The following NOXA1 variants were observed in gnomAD, a reference collection of about 807,000 sequenced individuals.
NOXA1 encodes the protein NADPH oxidase activator 1, also known as NCF2-like protein.
Under a neutral mutation model 64.8 loss-of-function variants are expected in NOXA1, and 56 were observed. The ratio of observed to expected loss-of-function variants is 0.86; its 90% CI spans 0.70 to 1.08. The LOEUF (loss-of-function observed/expected upper bound fraction) is 1.08, where lower values mean the gene tolerates loss of function less well. NOXA1 is among the 50% of genes least tolerant of loss of function. NOXA1 has a pLI of 0.00. For synonymous variants in NOXA1, 295 were observed against 294.8 expected, an observed-to-expected ratio of 1.00 and a Z score of -0.01; for missense variants, 668 against 658.5, an observed-to-expected ratio of 1.01 and a Z score of -0.16.
chr9:137,430,854 G>A lies in NOXA1; in HGVS notation c.672+11G>A, dbSNP rs749141033. The A allele has an allele frequency of 7.6e-6, 12 of 1,578,708 alleles. No homozygotes were observed. Among genetic ancestry groups the A allele is most frequent in the Middle Eastern group, 1.7e-4 (1 of 5,940 alleles). ...CCTCAGCAGCCACAGGTGGGTTTGC[G>A]GCCCCTCAGACCCCTGCCTGGCCTC... On this transcript the variant is annotated intron_variant, in intron 6 of 13. Coordinates refer to ENST00000683555, the MANE Select transcript of NOXA1 (RefSeq NM_001256067.2).
chr9:137,430,613 C>T (rs977217621), intron 5 of NOXA1, among the ~76,000 whole-genome samples, 171 bp from the exon 6 acceptor site: 8 of 152,250 alleles, frequency 5.3e-5, no homozygotes, highest in Admixed American at 2.0e-4. Flanking sequence ...AGATGTTTTT[C>T]TCCATCAGAC....
Position 137,426,234 on chromosome 9 carries a change from AT to A in NOXA1, c.178-9del, listed in dbSNP as rs750782399. The stretch of plus-strand genomic sequence containing the variant: ...TTACAGACCTTGGCATCCCGTGGGC[AT>A]TTTTGTCCCCAGGCATTTGACCAAG... On this transcript the variant is annotated splice_polypyrimidine_tract_variant and intron_variant, in intron 1 of 13. Coordinates refer to ENST00000683555, the MANE Select transcript of NOXA1 (RefSeq NM_001256067.2). The A allele has an allele frequency of 1.2e-6, 2 of 1,613,202 alleles. No homozygotes were observed. The highest frequency in any genetic ancestry group is 2.2e-5 in the South Asian group (2 of 91,064).
chr9:137,430,796 G>A lies in NOXA1; in HGVS notation c.625G>A (p.Ala209Thr), dbSNP rs1465465585. 16 of 1,595,020 alleles carry A rather than the reference G, an allele frequency of 1.0e-5. No homozygotes were observed. Among genetic ancestry groups the A allele is most frequent in the African/African-American group, 1.3e-5 (1 of 74,698 alleles). ...CTGTCCCCGCCAGGTGGTGGCCTCT[G>A]CCATCCCCGACGACCAGGGCTGGGG... ...FLGKAKVVAS[A>T]IPDDQGWGVR... Residue 209 changes from alanine to threonine, a missense_variant, in exon 6 of 14, where the codon GCC becomes ACC. Physicochemically the swap from Ala to Thr is moderately conservative, Grantham distance 58 (BLOSUM62 0). Coordinates refer to ENST00000683555, the MANE Select transcript of NOXA1 (RefSeq NM_001256067.2).
In NOXA1 at chr9:137,434,316, G is replaced by C. The variant is rs1198560728; in HGVS notation, c.1387G>C (p.Ala463Pro). The C allele has an allele frequency of 6.2e-7, 1 of 1,608,902 alleles. No homozygotes were observed. Among genetic ancestry groups the C allele is most frequent in the Admixed American group, 1.7e-5 (1 of 59,812 alleles). ...CCCCGCCGGCCCTCGGATGTCAGGA[G>C]CCCCCGGCCGCCTGCCCCGATCCCA... ...VVPAGPRMSG[A>P]PGRLPRSQQG... Residue 463 changes from alanine (A) to proline (P), a missense_variant, in exon 14 of 14, where the codon GCC becomes CCC. Physicochemically the swap from Ala to Pro is conservative, Grantham distance 27 (BLOSUM62 -1). Transcript: ENST00000683555.
intron 5 of NOXA1, among the ~76,000 whole-genome samples, chr9:137,430,075 T>C (rs9802473): frequency 0.17 from 19,061 of 114,102 alleles, 1,823 homozygotes; most frequent in Admixed American, 0.32. Context: ...GGGGTGCCTG[T>C]GTCCCTGCCA....
At chr9:137,427,019 A>G (rs1838870131) in intron 2 of NOXA1, among the ~76,000 whole-genome samples, 1 of 151,572 alleles carries the variant, frequency 6.6e-6, no homozygotes. Flanking sequence ...CTGGTCTCGA[A>G]CTCCTGACCT....
At chr9:137,425,781 G>C (rs1341654621) in intron 1 of NOXA1, among the ~76,000 whole-genome samples, 1 of 151,596 alleles carries the variant, frequency 6.6e-6, no homozygotes, top group East Asian at 1.9e-4. Flanking sequence ...TCAGGAGTTT[G>C]AGAATGTCTT....
At chr9:137,430,701 C>T (rs997549056) in intron 5 of NOXA1, 83 bp from the exon 6 acceptor site, 27 of 1,256,884 alleles carry the variant, frequency 2.1e-5, no homozygotes, top group Middle Eastern at 2.7e-4. Flanking sequence ...CTTAGAGCTG[C>T]GGGGCACGGT....
At chr9:137,429,501 T>A in intron 5 of NOXA1, 118 bp downstream of exon 5, 1 of 716,594 alleles carries the variant, frequency 1.4e-6, no homozygotes, top group Non-Finnish European at 2.3e-6. Flanking sequence ...GGGTAGAGAG[T>A]GGGCCCACAG....
chr9:137,428,195 T>C lies in NOXA1; in HGVS notation c.369+54T>C, dbSNP rs1588463553. 2.3e-6 allele frequency: 3 copies of C among 1,286,794 alleles called. No individual in the cohort carries two copies. In the Admixed American group the frequency reaches 6.0e-5, roughly 26 times the overall value. The allele number at this position is 1,286,794 out of a possible 1,614,324, so 79.7% of individuals were successfully genotyped here. On this transcript the variant is annotated intron_variant, in intron 3 of 13. Coordinates refer to ENST00000683555, the MANE Select transcript of NOXA1 (RefSeq NM_001256067.2). ...CTGGCTGTGGGGTGTCCACGGGCGG[T>C]GGCACTGTCACAGGAGGGCCCTGTG...
At chr9:137,430,939 G>C (rs778550834) in intron 6 of NOXA1, 96 bp downstream of exon 6, 7 of 1,556,964 alleles carry the variant, frequency 4.5e-6, no homozygotes, top group Non-Finnish European at 6.1e-6. Context: ...GGGCTGCGAA[G>C]TTCCTCTGAT....
rs758612973 is a variant in NOXA1 at position 137,430,734 on chromosome 9, C to A, written c.613-50C>A. 3.3e-6 allele frequency: 5 copies of A among 1,528,532 alleles called. No homozygotes were observed. In the South Asian group the frequency reaches 4.8e-5, roughly 15 times the overall value. 94.7% of individuals were successfully genotyped at this position (1,528,532 alleles called of 1,614,324 possible). A position where few individuals can be genotyped will look rare whatever the true frequency, so the allele number is the denominator to read the frequency against. ...GGTGGGGCGGGCTGCAGGGAGCAGA[C>A]CCTGCTGGGCCGCTGATCCCTGACC... On this transcript the variant is annotated intron_variant, in intron 5 of 13. Coordinates refer to ENST00000683555, the MANE Select transcript of NOXA1 (RefSeq NM_001256067.2).
chr9:137,429,849 CGG>C (rs34530089), intron 5 of NOXA1, among the ~76,000 whole-genome samples: 14 of 3,232 alleles, frequency 4.3e-3, no homozygotes, highest in African/African-American at 0.012. Context: ...AGCGAGGTCC[CGG>C]GGGGGGGGGG....
In NOXA1 at chr9:137,431,286, A is replaced by G. The variant is rs375571721; in HGVS notation, c.749A>G (p.Asp250Gly). The G allele has an allele frequency of 9.3e-6, 15 of 1,612,522 alleles. No homozygotes were observed. The African/African-American group carries it at 2.0e-4, about 22-fold the overall frequency. ...GCTGGCACCCACCAGGGCCCCCTCG[A>G]TGCAGAGACAGAGGTCGGTGCTGAC... ...PRAGTHQGPL[D>G]AETEVGADRC... is the part of the protein sequence containing the mutation. Residue 250 changes from aspartate (D) to glycine (G), a missense_variant, in exon 8 of 14, where the codon GAT becomes GGT. Transcript: ENST00000683555. This position sits in a 1 kb window ranked among gnomAD's most constrained non-coding sequence, Gnocchi z 5.6.
In NOXA1 at chr9:137,433,192, C is replaced by G. The variant is rs1304378633; in HGVS notation, c.851-13C>G. 1.2e-6 allele frequency: 2 copies of G among 1,609,348 alleles called. No individual in the cohort carries two copies. The highest frequency in any genetic ancestry group is 1.7e-6 in the Non-Finnish European group (2 of 1,178,498). On this transcript the variant is annotated splice_polypyrimidine_tract_variant and intron_variant, in intron 9 of 13. Coordinates refer to ENST00000683555, the MANE Select transcript of NOXA1 (RefSeq NM_001256067.2). Reference sequence around the variant, plus strand: ...GGTGGTAGTGGCTGTGTCAGTCTTGCTCTGTCCTACAGGGCTGCCGGCAAT... The same window carrying G: ...GGTGGTAGTGGCTGTGTCAGTCTTGGTCTGTCCTACAGGGCTGCCGGCAAT...
chr9:137,429,455 G>A (rs889519494), intron 5 of NOXA1, 72 bp downstream of exon 5: 9 of 1,103,748 alleles, frequency 8.2e-6, no homozygotes, highest in Admixed American at 4.4e-5. Context: ...CCAGGGATGG[G>A]GGGAGGTGCA....
chr9:137,431,422 AC>A lies in NOXA1; in HGVS notation c.804+82del. The A allele has an allele frequency of 8.5e-7, 1 of 1,180,222 alleles. No individual in the cohort carries two copies. The highest frequency in any genetic ancestry group is 1.2e-6 in the Non-Finnish European group (1 of 810,790). 73.1% of individuals were successfully genotyped at this position (1,180,222 alleles called of 1,614,324 possible). On this transcript the variant is annotated intron_variant, in intron 8 of 13. Coordinates refer to ENST00000683555, the MANE Select transcript of NOXA1 (RefSeq NM_001256067.2). The surrounding 1 kb of genome is among the most constrained non-coding windows in gnomAD (Gnocchi z 5.6). ...CAGACTGGGGACCACAATGGGACCA[AC>A]ATGAGGGTGGAGGGAGCAGCTCGCT...
Position 137,434,272 on chromosome 9 carries a change from T to C in NOXA1, c.1343T>C (p.Phe448Ser), listed in dbSNP as rs777776477. 1 of 1,610,954 alleles carries C rather than the reference T, an allele frequency of 6.2e-7. No individual in the cohort carries two copies. The highest frequency in any genetic ancestry group is 1.3e-5 in the African/African-American group (1 of 75,008). ...CACTGTGACGGCCGCATCGGCATCT[T>C]CCCCAAGTGCTTCGTGGTCCCCGCC... ...EGHCDGRIGI[F>S]PKCFVVPAGP... The change falls in exon 14 of 14, where the codon TTC becomes TCC. Residue 448 changes from phenylalanine (F) to serine (S), a missense_variant. Transcript: ENST00000683555.
At chr9:137,433,691 G>A (rs1839225511) in intron 11 of NOXA1, 59 bp from the exon 12 acceptor site, 2 of 1,497,556 alleles carry the variant, frequency 1.3e-6, no homozygotes, top group South Asian at 1.3e-5. Flanking sequence ...GGTGGCAGAG[G>A]TCACTGCCCT....
Sources: allele counts gnomAD v4.1 joint callset (sites outside exome capture counted in the v4.1 genomes callset), GRCh38; gene constraint gnomAD v4.1.1; non-coding constraint Gnocchi (gnomAD v3.1); transcripts MANE v1.5; gene names NCBI Gene and HGNC (gene_info 2026-07-23, HGNC 2026-07-21).